Variants in CLPSL1 observed in about 807,000 individuals in gnomAD.
The protein encoded by CLPSL1 is colipase-like protein 1.
Under a neutral mutation model 9.3 loss-of-function variants are expected in CLPSL1, and 13 were observed. The ratio of observed to expected loss-of-function variants is 1.40; its 90% CI spans 0.91 to 2.22. The LOEUF (loss-of-function observed/expected upper bound fraction) is 2.22, where lower values mean the gene tolerates loss of function less well. CLPSL1 is among the 30% of genes most tolerant of loss of function. The pLI is 0.00. For missense variants in CLPSL1, 164 were observed against 146.6 expected (o/e 1.12, Z -0.61); for synonymous variants, 58 against 56.9 (o/e 1.02, Z -0.08).
At chr6:35,789,893 CA>C (rs113836042), downstream of CLPSL1, among the ~76,000 whole-genome samples, 22,132 of 148,182 alleles carry the variant, frequency 0.15, 56 homozygotes, top group Non-Finnish European at 0.17. Context: ...GACCCTGTCT[CA>C]AAAAAAAAAA....
downstream of CLPSL1, among the ~76,000 whole-genome samples, chr6:35,790,968 C>T (rs1430310166): frequency 6.6e-6 from 1 of 151,708 alleles, no homozygotes; most frequent in Non-Finnish European, 1.5e-5. Flanking sequence ...CACTTGAGCA[C>T]CAGGAGGTTG....
intron 1 of CLPSL1, among the ~76,000 whole-genome samples, chr6:35,781,939 A>G (rs979140359): frequency 6.6e-6 from 1 of 151,886 alleles, no homozygotes; most frequent in Non-Finnish European, 1.5e-5. Context: ...TTTAGTAGAG[A>G]CAGGGTTTCA....
At chr6:35,791,535 G>A (rs927161121), downstream of CLPSL1, among the ~76,000 whole-genome samples, 4 of 152,136 alleles carry the variant, frequency 2.6e-5, no homozygotes, top group Non-Finnish European at 5.9e-5. Flanking sequence ...TTGAACCCGG[G>A]AGGCGGAGGT....
downstream of CLPSL1, among the ~76,000 whole-genome samples, chr6:35,791,005 A>G (rs1369745806): frequency 6.6e-6 from 1 of 151,602 alleles, no homozygotes; most frequent in Non-Finnish European, 1.5e-5. Flanking sequence ...TGGTCGCACC[A>G]CTGCATTCCA....
chr6:35,790,955 G>T (rs1401763141), downstream of CLPSL1, among the ~76,000 whole-genome samples: 1 of 151,830 alleles, frequency 6.6e-6, no homozygotes, highest in Non-Finnish European at 1.5e-5. Context: ...GAGGCAGGAG[G>T]ATCACTTGAG....
rs34500810 is a variant in CLPSL1, at chr6:35,785,174, ATTTTTT to A, written c.100-1808_100-1803del. ...TTTCCTGTGGAGTGTGCCCCTGGAA[ATTTTTT>A]TTTTTTTTTTTTTTTGAGACAGAGT... is the stretch of plus-strand genomic sequence containing the variant. On this transcript the variant is annotated intron_variant, in intron 1 of 2. Coordinates refer to ENST00000373861, the MANE Select transcript of CLPSL1 (RefSeq NM_001010886.5). 2.6e-5 allele frequency among the ~76,000 whole-genome samples: 3 copies of A among 115,716 alleles called. No homozygotes were observed. The South Asian group carries it at 8.6e-4, about 33-fold the overall frequency. 75.9% of individuals were successfully genotyped at this position (115,716 alleles called of 152,430 possible).
At chr6:35,781,763 T>TTG (rs1767971605) in intron 1 of CLPSL1, among the ~76,000 whole-genome samples, 1 of 150,692 alleles carries the variant, frequency 6.6e-6, no homozygotes, top group African/African-American at 2.4e-5. Flanking sequence ...TTCTTTTTTT[T>TTG]GGGACAGAGT....
At chr6:35,791,620 A>C (rs1337251037), downstream of CLPSL1, among the ~76,000 whole-genome samples, 1 of 150,430 alleles carries the variant, frequency 6.6e-6, no homozygotes, top group African/African-American at 2.5e-5. Context: ...AAAAAAAAAA[A>C]AGAAAAAGAA....
At chr6:35,784,962 G>T (rs1018647360) in intron 1 of CLPSL1, among the ~76,000 whole-genome samples, 2 of 152,260 alleles carry the variant, frequency 1.3e-5, no homozygotes, top group African/African-American at 2.4e-5. Context: ...AAGGGCAAGT[G>T]CAGTGTTTAA....
At position 35,787,909 on chromosome 6, in the gene CLPSL1, C is replaced by G. The variant is rs1242997419; in HGVS notation, c.265C>G (p.Leu89Val). ...TAGAGCGTGTCCCTGCCTGCGGAAC[C>G]TGACTTGTATATATTCAAAGAATGA... The part of the protein sequence containing the change: ...QYRACPCLRN[L>V]TCIYSKNEKW... The change falls in exon 3 of 3, where the codon CTG becomes GTG. Residue 89 changes from leucine to valine, a missense_variant. Transcript: ENST00000373861. 1 of 1,609,324 alleles carries G rather than the reference C, an allele frequency of 6.2e-7. No individual in the cohort carries two copies.
chr6:35,793,820 C>A, downstream of CLPSL1: 1 of 344,650 alleles, frequency 2.9e-6, no homozygotes, highest in South Asian at 2.3e-5. Context: ...GTCCCTCACT[C>A]TCTGTGGGAA....
downstream of CLPSL1, among the ~76,000 whole-genome samples, chr6:35,788,774 A>G (rs1445854703): frequency 2.0e-5 from 3 of 152,392 alleles, no homozygotes; most frequent in East Asian, 3.9e-4. Context: ...GGTTGGAGAG[A>G]GAATGAGTCA....
intron 2 of CLPSL1, among the ~76,000 whole-genome samples, chr6:35,787,574 T>G (rs1768108010): frequency 6.6e-6 from 1 of 152,226 alleles, no homozygotes; most frequent in Non-Finnish European, 1.5e-5. Context: ...ATGGAAGGAT[T>G]TAAAGACAAG....
At chr6:35,790,008 C>G (rs1304400452), downstream of CLPSL1, among the ~76,000 whole-genome samples, 1 of 152,212 alleles carries the variant, frequency 6.6e-6, no homozygotes, top group Non-Finnish European at 1.5e-5. Context: ...CTCACTGCAG[C>G]CTCATCCTTC....
chr6:35,790,194 A>G (rs1768159935), downstream of CLPSL1, among the ~76,000 whole-genome samples: 1 of 152,252 alleles, frequency 6.6e-6, no homozygotes, highest in Non-Finnish European at 1.5e-5. Flanking sequence ...CAGCCTCTCA[A>G]AATGCTGGGA....
At chr6:35,783,698 C>T (rs377335581) in intron 1 of CLPSL1, among the ~76,000 whole-genome samples, 8 of 151,524 alleles carry the variant, frequency 5.3e-5, no homozygotes, top group African/African-American at 1.7e-4. Context: ...ATCCCAGCTA[C>T]TCAGGAGGCT....
At chr6:35,793,078 T>G (rs979352005), downstream of CLPSL1, among the ~76,000 whole-genome samples, 2 of 152,252 alleles carry the variant, frequency 1.3e-5, no homozygotes, top group African/African-American at 4.8e-5. Flanking sequence ...AACCTAGTTC[T>G]AGCCACTGAG....
In CLPSL1 at chr6:35,787,936, AAATGGCTTAG is replaced by A; in HGVS notation, c.293_302del (p.Lys98ThrfsTer?). ...GACTTGTATATATTCAAAGAATGAG[AAATGGCTTAG>A]CATCGCCTATGGCCGTTGTCAGAAA... is the stretch of plus-strand genomic sequence containing the variant. On this transcript the variant is annotated frameshift_variant, in exon 3 of 3. Transcript: ENST00000373861. LOFTEE classifies it low-confidence loss of function (END_TRUNC). The A allele has an allele frequency of 6.2e-7, 1 of 1,612,756 alleles. No homozygotes were observed.
intron 1 of CLPSL1, 59 bp from the exon 2 acceptor site, chr6:35,786,939 G>A: frequency 1.3e-6 from 2 of 1,538,362 alleles, no homozygotes; most frequent in Non-Finnish European, 8.7e-7. Flanking sequence ...GCCCCAGGCG[G>A]GGCGGCGAGG....
Sources: gnomAD v4.1 joint callset for allele counts (sites outside exome capture counted in the v4.1 genomes callset) on GRCh38, gnomAD v4.1.1 for gene constraint, MANE v1.5 for transcripts, NCBI Gene and HGNC (gene_info 2026-07-23, HGNC 2026-07-21) for gene names.